Variants in ACTR3C observed in about 807,000 individuals in gnomAD.
The protein encoded by ACTR3C is actin related protein 3C.
A neutral mutation model predicts 26.3 loss-of-function variants in ACTR3C; 18 were observed. That is an observed-to-expected ratio of 0.68 (90% CI 0.47 to 1.01). The LOEUF (loss-of-function observed/expected upper bound fraction) is 1.01. Among genes scored for constraint, ACTR3C ranks in the 50% least tolerant of loss-of-function variants. ACTR3C has a pLI of 0.00. For synonymous variants in ACTR3C, 55 were observed against 94.5 expected (o/e 0.58, Z 2.42); for missense variants, 184 against 250.7 (o/e 0.73, Z 1.80).
chr7:150,234,431 G>A, the ACTR3C span, among the ~76,000 whole-genome samples: 39 of 152,134 alleles, frequency 2.6e-4, no homozygotes, highest in Non-Finnish European at 4.9e-4. Context: ...TCTTCCATGC[G>A]CCCCACATGA....
chr7:150,167,104 A>T, the ACTR3C span, among the ~76,000 whole-genome samples: 242 of 148,154 alleles, frequency 1.6e-3, 5 homozygotes, highest in Admixed American at 0.015. Flanking sequence ...TATTGAGAAG[A>T]GTGCTGCAAT....
At chr7:150,254,072 T>C (rs1332529819) in intron 6 of ACTR3C, among the ~76,000 whole-genome samples, 1 of 152,206 alleles carries the variant, frequency 6.6e-6, no homozygotes, top group South Asian at 2.1e-4. Flanking sequence ...AAGCCAAGGG[T>C]AACTAGTGTT....
intron 2 of ACTR3C, among the ~76,000 whole-genome samples, chr7:150,293,796 C>T (rs1836493739): frequency 6.6e-6 from 1 of 152,134 alleles, no homozygotes; most frequent in Non-Finnish European, 1.5e-5. Flanking sequence ...ATTAGCCAGG[C>T]GTGGTGACAC....
the ACTR3C span, among the ~76,000 whole-genome samples, chr7:149,988,390 C>T: frequency 0.019 from 2,836 of 151,486 alleles, 77 homozygotes; most frequent in African/African-American, 0.063. Flanking sequence ...ATTGATAAGG[C>T]GGAGAGCATC....
chr7:150,020,290 T>C, the ACTR3C span, among the ~76,000 whole-genome samples: 1 of 152,142 alleles, frequency 6.6e-6, no homozygotes, highest in African/African-American at 2.4e-5. Flanking sequence ...ACAAGAAATC[T>C]ACATGGTAAA....
chr7:149,999,451 C>T, the ACTR3C span, among the ~76,000 whole-genome samples: 291 of 147,646 alleles, frequency 2.0e-3, 1 homozygote, highest in Middle Eastern at 6.9e-3. Context: ...GGCCTCGGAA[C>T]AAGCGATCAT....
the ACTR3C span, among the ~76,000 whole-genome samples, chr7:150,103,233 A>C: frequency 1.3e-5 from 2 of 152,010 alleles, no homozygotes. Flanking sequence ...GGGATGAATG[A>C]AACTGACATA....
intron 4 of ACTR3C, among the ~76,000 whole-genome samples, chr7:150,287,150 A>G (rs1234327925): frequency 1.3e-5 from 2 of 151,424 alleles, no homozygotes; most frequent in East Asian, 3.9e-4. Context: ...TGGGTATTCT[A>G]AGTCCCTCAA....
chr7:150,051,909 T>C, the ACTR3C span, among the ~76,000 whole-genome samples: 1 of 152,230 alleles, frequency 6.6e-6, no homozygotes, highest in African/African-American at 2.4e-5. Context: ...AGCATGATTT[T>C]TATTAGCTAA....
the ACTR3C span, among the ~76,000 whole-genome samples, chr7:150,181,353 AG>A: frequency 2.0e-5 from 3 of 150,794 alleles, no homozygotes; most frequent in African/African-American, 7.5e-5. Flanking sequence ...GACTGAAGAT[AG>A]GAAAAAAAAA....
chr7:150,117,553 G>A, the ACTR3C span, among the ~76,000 whole-genome samples: 4 of 152,218 alleles, frequency 2.6e-5, no homozygotes, highest in African/African-American at 4.8e-5. Flanking sequence ...TCTGGGCAGG[G>A]CATCTCTGAA....
the ACTR3C span, among the ~76,000 whole-genome samples, chr7:150,194,600 C>T: frequency 6.6e-6 from 1 of 152,056 alleles, no homozygotes; most frequent in African/African-American, 2.4e-5. Context: ...AATCTACCAT[C>T]CTCCTAGCTC....
At chr7:150,017,736 G>T in the ACTR3C span, among the ~76,000 whole-genome samples, 1 of 149,826 alleles carries the variant, frequency 6.7e-6, no homozygotes, top group Non-Finnish European at 1.5e-5. Flanking sequence ...GGCCATGCTT[G>T]TTCCTTTCAC....
the ACTR3C span, among the ~76,000 whole-genome samples, chr7:150,212,161 G>T: frequency 6.8e-6 from 1 of 146,368 alleles, no homozygotes; most frequent in African/African-American, 2.8e-5. Context: ...ATATTGCTGA[G>T]ACTGTAATAA....
the ACTR3C span, among the ~76,000 whole-genome samples, chr7:150,037,915 G>T: frequency 7.9e-6 from 1 of 127,214 alleles, no homozygotes; most frequent in Non-Finnish European, 1.7e-5. Context: ...CAGTCCCCGC[G>T]TCGCGAGGGG....
the ACTR3C span, among the ~76,000 whole-genome samples, chr7:150,036,152 G>T: frequency 1.5e-5 from 2 of 136,126 alleles, no homozygotes; most frequent in African/African-American, 2.7e-5. Flanking sequence ...CCGCCTCGTG[G>T]GGGGTGCCTC....
chr7:149,991,016 C>T, the ACTR3C span, among the ~76,000 whole-genome samples: 201 of 152,236 alleles, frequency 1.3e-3, no homozygotes, highest in Admixed American at 8.4e-3. Flanking sequence ...AAGACATACC[C>T]AAGACTGGGT....
At chr7:150,158,724 T>C in the ACTR3C span, among the ~76,000 whole-genome samples, 1 of 152,208 alleles carries the variant, frequency 6.6e-6, no homozygotes, top group African/African-American at 2.4e-5. Context: ...GCAGATCTAA[T>C]GTATATAACA....
At chr7:150,136,550 A>G in the ACTR3C span, among the ~76,000 whole-genome samples, 5 of 152,138 alleles carry the variant, frequency 3.3e-5, no homozygotes, top group African/African-American at 1.2e-4. Flanking sequence ...GGTGTCTGCA[A>G]TCCTAGCTAA....
Sources: gnomAD v4.1 joint callset for allele counts (sites outside exome capture counted in the v4.1 genomes callset) on GRCh38, gnomAD v4.1.1 for gene constraint, MANE v1.5 for transcripts, NCBI Gene and HGNC (gene_info 2026-07-23, HGNC 2026-07-21) for gene names.